DYNC2H1: variants seen among roughly 807,000 people sequenced by gnomAD.
DYNC2H1 encodes dynein cytoplasmic 2 heavy chain 1.
In DYNC2H1, 410 loss-of-function variants were observed where a neutral mutation model predicts 570.0. The observed-to-expected ratio is 0.72, with a 90% CI of 0.66 to 0.78. DYNC2H1 has a LOEUF of 0.78. DYNC2H1 is among the 30% of genes least tolerant of loss of function. The pLI is 0.00. For synonymous variants in DYNC2H1, 1,688 were observed against 1,677.6 expected (o/e 1.01, Z -0.15); for missense variants, 4,865 against 5,046.4 (o/e 0.96, Z 1.09).
At chr11:103,115,812 C>A (rs559848515) in intron 4 of DYNC2H1, among the ~76,000 whole-genome samples, 174 of 152,004 alleles carry the variant, frequency 1.1e-3, no homozygotes, top group African/African-American at 3.6e-3. Flanking sequence ...ACAAAAAAAA[C>A]CCCAAAATTA....
chr11:103,215,733 A>C lies in DYNC2H1; in HGVS notation c.8707A>C (p.Lys2903Gln), dbSNP rs1345406097. ...RQSHLQAGVS[K>Q]LNEAKALVDE... Reference sequence around the variant, plus strand: ...TTTATTGATGTAGGCTGGTGTATCTAAACTAAATGAAGCTAAAGCTCTTGT... The same window carrying C: ...TTTATTGATGTAGGCTGGTGTATCTCAACTAAATGAAGCTAAAGCTCTTGT... Residue 2903 changes from lysine (K) to glutamine (Q), a missense_variant, in exon 55 of 89, where the codon AAA (lysine) becomes CAA (glutamine). This residue lies in a region of DYNC2H1 where 2,401 missense variants were observed against 2,454.6 expected (regional missense o/e 0.98). Transcript: ENST00000375735. The C allele has an allele frequency of 6.2e-7, 1 of 1,608,514 alleles. No individual in the cohort carries two copies. The highest frequency in any genetic ancestry group is 1.7e-5 in the Admixed American group (1 of 59,234).
At chr11:103,208,526 TC>T (rs1350456704) in intron 52 of DYNC2H1, among the ~76,000 whole-genome samples, 1 of 152,108 alleles carries the variant, frequency 6.6e-6, no homozygotes, top group African/African-American at 2.4e-5. Flanking sequence ...AACAGAGAGT[TC>T]ATGTGGCTGC....
Position 103,181,113 on chromosome 11 carries a change from G to A in DYNC2H1, c.6348-644G>A, listed in dbSNP as rs1199460205. On this transcript the variant is annotated intron_variant, in intron 39 of 88. Transcript: ENST00000375735. This position sits in a 1 kb window ranked among gnomAD's most constrained non-coding sequence, Gnocchi z 5.0. ...CCAATTGGATTTTGGTGAAATAATT[G>A]AATTTTACCCAGATAATTATGTGCT... is the stretch of plus-strand genomic sequence containing the variant. Among the ~76,000 whole-genome samples, 1 of 151,470 alleles carries A rather than the reference G, an allele frequency of 6.6e-6. No homozygotes were observed. The highest frequency in any genetic ancestry group is 1.5e-5 in the Non-Finnish European group (1 of 67,612).
Position 103,135,578 on chromosome 11 carries a change from G to A in DYNC2H1, c.2289G>A (p.Met763Ile). Residue 763 changes from methionine to isoleucine, a missense_variant, in exon 16 of 89, where the codon ATG (methionine) becomes ATA (isoleucine). Physicochemically the swap from Met to Ile is conservative, Grantham distance 10. This residue lies in a region of DYNC2H1 where 1,936 missense variants were observed against 1,962.1 expected (regional missense o/e 0.99). Coordinates refer to ENST00000375735, the MANE Select transcript of DYNC2H1 (RefSeq NM_001377.3). ...AAGCTCTGGAGCATCAGTACCAGAT[G>A]GGCTTAGAAGCACTTAATGAGAATT... ...LYKALEHQYQ[M>I]GLEALNENLP... 6.2e-7 allele frequency: 1 copy of A among 1,613,162 alleles called. No individual in the cohort carries two copies. The highest frequency in any genetic ancestry group is 1.7e-5 in the Admixed American group (1 of 59,918).
At chr11:103,412,923 A>C (rs181312238) in intron 84 of DYNC2H1, among the ~76,000 whole-genome samples, 3 of 152,138 alleles carry the variant, frequency 2.0e-5, no homozygotes, top group Admixed American at 2.0e-4. Flanking sequence ...TCTTTGTAGG[A>C]GTGGTTCTCA....
chr11:103,150,090 G>C (rs1860461363), intron 20 of DYNC2H1, among the ~76,000 whole-genome samples: 1 of 152,200 alleles, frequency 6.6e-6, no homozygotes, highest in African/African-American at 2.4e-5. Flanking sequence ...AAAGAGCATA[G>C]TATTCAAGGA....
At chr11:103,344,011 A>G (rs1939613043) in intron 82 of DYNC2H1, among the ~76,000 whole-genome samples, 1 of 152,250 alleles carries the variant, frequency 6.6e-6, no homozygotes, top group Admixed American at 6.5e-5. Flanking sequence ...GTCTTCAGCA[A>G]AACTACTCCA....
chr11:103,204,872 A>G lies in DYNC2H1; in HGVS notation c.8362A>G (p.Asn2788Asp). 6.3e-7 allele frequency: 1 copy of G among 1,590,870 alleles called. No individual in the cohort carries two copies. Among genetic ancestry groups the G allele is most frequent in the East Asian group, 2.3e-5 (1 of 43,862 alleles). The change falls in exon 52 of 89, where the codon AAC becomes GAC. Residue 2788 changes from asparagine to aspartate, a missense_variant. Asn to Asp is a conservative substitution (Grantham distance 23). Coordinates refer to ENST00000375735, the MANE Select transcript of DYNC2H1 (RefSeq NM_001377.3). This position sits in a 1 kb window ranked among gnomAD's most constrained non-coding sequence, Gnocchi z 4.1. ...CTTGATAATGGATTCTGCAAATTCA[A>G]ACTTCATGATAAACTGTGAGAGTAA... Reference protein sequence around the residue: ...IVLIMDSANSNFMINCESNPA... With the variant: ...IVLIMDSANSDFMINCESNPA...
In DYNC2H1 at chr11:103,358,155, CAAAAT is replaced by C. The variant is rs1415008077; in HGVS notation, c.12040-87_12040-83del. 1.2e-5 allele frequency: 8 copies of C among 692,438 alleles called. No homozygotes were observed. The Admixed American group carries it at 2.3e-4, about 20-fold the overall frequency. 42.9% of individuals were successfully genotyped at this position (692,438 alleles called of 1,614,324 possible). On this transcript the variant is annotated intron_variant, in intron 82 of 88. Coordinates refer to ENST00000375735, the MANE Select transcript of DYNC2H1 (RefSeq NM_001377.3). The stretch of plus-strand genomic sequence containing the variant: ...ATTTTTGGTCTCTATTTTTATAAAA[CAAAAT>C]GTCTGTTTTTGTACCTATGTTCTTT...
At chr11:103,121,176 T>C in intron 9 of DYNC2H1, 140 bp downstream of exon 9, 1 of 921,808 alleles carries the variant, frequency 1.1e-6, no homozygotes, top group Non-Finnish European at 1.6e-6. Context: ...TATTCTGTTA[T>C]AAATGACAGA....
chr11:103,405,613 A>G (rs1260911969), intron 84 of DYNC2H1: 1 of 151,964 alleles, frequency 6.6e-6, no homozygotes, highest in Non-Finnish European at 1.5e-5. Context: ...AAAAGCCCCA[A>G]TTATGATTGG....
At chr11:103,152,115 T>TTG (rs1229542353) in intron 20 of DYNC2H1, 21 bp from the exon 21 acceptor site, 4 of 1,547,468 alleles carry the variant, frequency 2.6e-6, no homozygotes, top group South Asian at 1.2e-5. Context: ...TTCAATTTGT[T>TTG]TTTTTTTTTT....
At chr11:103,196,565 T>C (rs901302802) in intron 47 of DYNC2H1, among the ~76,000 whole-genome samples, 2 of 152,126 alleles carry the variant, frequency 1.3e-5, no homozygotes, top group African/African-American at 4.8e-5. Flanking sequence ...GTTTTTGGTA[T>C]ATAAATTATT....
chr11:103,262,838 C>G (rs972585327), intron 70 of DYNC2H1, among the ~76,000 whole-genome samples: 1 of 151,974 alleles, frequency 6.6e-6, no homozygotes, highest in Non-Finnish European at 1.5e-5. Context: ...ATCAAATTCA[C>G]ACATAACAAT....
At position 103,270,385 on chromosome 11, in the gene DYNC2H1, A is replaced by G. The variant is rs376071425; in HGVS notation, c.10696-9963A>G. Reference sequence around the variant, plus strand: ...TATATGTAGGCTTTGGTATTATCCTATACATATCTATATCTACAGATATAT... The same window carrying G: ...TATATGTAGGCTTTGGTATTATCCTGTACATATCTATATCTACAGATATAT... On this transcript the variant is annotated intron_variant, in intron 70 of 88. Coordinates refer to ENST00000375735, the MANE Select transcript of DYNC2H1 (RefSeq NM_001377.3). Among the ~76,000 whole-genome samples the G allele has an allele frequency of 4.6e-5, 7 of 152,174 alleles. No individual in the cohort carries two copies. In the East Asian group the frequency reaches 1.4e-3, roughly 29 times the overall value.
intron 70 of DYNC2H1, among the ~76,000 whole-genome samples, chr11:103,272,814 C>G (rs1865762905): frequency 6.6e-6 from 1 of 152,010 alleles, no homozygotes; most frequent in Non-Finnish European, 1.5e-5. Context: ...GTGTGGTTGA[C>G]TTAAACCATC....
intron 58 of DYNC2H1, among the ~76,000 whole-genome samples, chr11:103,222,652 G>A (rs1169894632): frequency 6.6e-6 from 1 of 152,132 alleles, no homozygotes; most frequent in East Asian, 1.9e-4. Context: ...AAAAAGAATT[G>A]ATGCTCAAAC....
intron 84 of DYNC2H1, among the ~76,000 whole-genome samples, chr11:103,414,541 C>G (rs898973779): frequency 2.0e-5 from 3 of 151,906 alleles, no homozygotes; most frequent in South Asian, 4.2e-4. Context: ...ATTGTTTGAA[C>G]CCAGGAGAAA....
intron 31 of DYNC2H1, among the ~76,000 whole-genome samples, 199 bp downstream of exon 31, chr11:103,166,247 A>G (rs1298364980): frequency 6.6e-6 from 1 of 152,164 alleles, no homozygotes; most frequent in East Asian, 1.9e-4. Context: ...CCTTACTACC[A>G]TATAGGCTTC....
Sources: gnomAD v4.1 joint callset for allele counts (sites outside exome capture counted in the v4.1 genomes callset) on GRCh38, gnomAD v4.1.1 for gene constraint, gnomAD v4.1.1 regional missense constraint, Gnocchi (gnomAD v3.1) non-coding constraint, MANE v1.5 for transcripts, NCBI Gene and HGNC (gene_info 2026-07-23, HGNC 2026-07-21) for gene names.